Variants in MAST2 observed in about 807,000 individuals in gnomAD.
MAST2 encodes microtubule associated serine/threonine kinase 2.
Under a neutral mutation model 147.4 loss-of-function variants are expected in MAST2, and 70 were observed. The observed-to-expected ratio is 0.47, with a 90% CI of 0.39 to 0.58. The LOEUF (loss-of-function observed/expected upper bound fraction) is 0.58, where lower values mean the gene tolerates loss of function less well. Among genes scored for constraint, MAST2 ranks in the 20% least tolerant of loss-of-function variants. The pLI is 0.00. For missense variants in MAST2, 2,080 were observed against 2,302.3 expected (o/e 0.90, Z 1.98); for synonymous variants, 869 against 896.8 (o/e 0.97, Z 0.55).
intron 10 of MAST2, among the ~76,000 whole-genome samples, chr1:46,016,044 C>A (rs1645924722): frequency 6.6e-6 from 1 of 151,916 alleles, no homozygotes; most frequent in African/African-American, 2.4e-5. Flanking sequence ...TAAATGTAAT[C>A]CAGCATATAA....
intron 5 of MAST2, among the ~76,000 whole-genome samples, chr1:45,994,009 G>T (rs1644951449): frequency 6.6e-6 from 1 of 152,114 alleles, no homozygotes; most frequent in African/African-American, 2.4e-5. Context: ...GTCTGGGAGG[G>T]TCCCAACACA....
At chr1:45,977,692 C>T (rs539277472) in intron 5 of MAST2, among the ~76,000 whole-genome samples, 86 of 150,828 alleles carry the variant, frequency 5.7e-4, no homozygotes, top group Non-Finnish European at 7.8e-4. Context: ...CCCAGCTACT[C>T]GGGAGGCTGA....
chr1:45,927,563 G>T (rs1385343256), intron 4 of MAST2, among the ~76,000 whole-genome samples: 1 of 152,066 alleles, frequency 6.6e-6, no homozygotes, highest in Non-Finnish European at 1.5e-5. Context: ...GCTCTGTTCT[G>T]CCTGACTCAC....
intron 1 of MAST2, among the ~76,000 whole-genome samples, chr1:45,815,987 A>G (rs1275458066): frequency 1.3e-5 from 2 of 152,208 alleles, no homozygotes; most frequent in Non-Finnish European, 1.5e-5. Context: ...GCTTAGAACC[A>G]TACAGAAATC....
intron 4 of MAST2, among the ~76,000 whole-genome samples, chr1:45,883,724 A>G (rs185661223): frequency 1.1e-4 from 16 of 152,148 alleles, no homozygotes; most frequent in Admixed American, 9.2e-4. Flanking sequence ...TAAATTTTAA[A>G]TTCAGTTTCT....
chr1:45,920,141 G>A (rs1653220363), intron 4 of MAST2, among the ~76,000 whole-genome samples: 1 of 152,158 alleles, frequency 6.6e-6, no homozygotes, highest in Non-Finnish European at 1.5e-5. Flanking sequence ...GCTGATGGGA[G>A]CATGAACGAT....
intron 4 of MAST2, among the ~76,000 whole-genome samples, chr1:45,886,198 T>C (rs905547492): frequency 1.3e-5 from 2 of 149,926 alleles, no homozygotes; most frequent in South Asian, 4.2e-4. Context: ...TGAGTGATAC[T>C]GAGATAGAGA....
intron 4 of MAST2, among the ~76,000 whole-genome samples, chr1:45,922,721 G>A (rs1653719787): frequency 6.6e-6 from 1 of 152,126 alleles, no homozygotes; most frequent in Admixed American, 6.5e-5. Flanking sequence ...GGGCGGTGGT[G>A]GCTGCACCTG....
chr1:45,874,016 T>C (rs1646501431), intron 3 of MAST2, among the ~76,000 whole-genome samples: 1 of 152,164 alleles, frequency 6.6e-6, no homozygotes, highest in African/African-American at 2.4e-5. Context: ...AGATGGGGTT[T>C]CACCATGTTG....
chr1:45,963,573 T>C (rs1660745215), intron 5 of MAST2, among the ~76,000 whole-genome samples: 1 of 152,230 alleles, frequency 6.6e-6, no homozygotes, highest in Admixed American at 6.5e-5. Context: ...TTGTCTGTTA[T>C]TGATGTATAA....
chr1:45,881,605 T>C (rs1386036752), intron 3 of MAST2, among the ~76,000 whole-genome samples: 1 of 152,206 alleles, frequency 6.6e-6, no homozygotes, highest in Non-Finnish European at 1.5e-5. Context: ...TGAAGTCATC[T>C]CTTTGTTATA....
intron 3 of MAST2, among the ~76,000 whole-genome samples, chr1:45,852,318 T>C (rs1645648380): frequency 6.6e-6 from 1 of 152,150 alleles, no homozygotes; most frequent in Admixed American, 6.6e-5. Context: ...CGTCTTTATC[T>C]TCTTGCAACC....
At chr1:45,881,169 A>G (rs571359211) in intron 3 of MAST2, among the ~76,000 whole-genome samples, 1 of 152,282 alleles carries the variant, frequency 6.6e-6, no homozygotes, top group East Asian at 1.9e-4. Flanking sequence ...CTAGGAAACA[A>G]CTACAAGAAT....
rs1260279636 is a variant in MAST2, at chr1:45,834,936, C to T, written c.468+5355C>T. ...CCAAGCCAGTTCTTCCTTGTTCATT[C>T]CCTGTCTTTTTTTTTTTCCATAATT... is the stretch of plus-strand genomic sequence containing the variant. On this transcript the variant is annotated intron_variant, in intron 3 of 28. Transcript: ENST00000361297. Among the ~76,000 whole-genome samples, 6 of 152,090 alleles carry T rather than the reference C, an allele frequency of 3.9e-5. No individual in the cohort carries two copies. In the South Asian group the frequency reaches 1.0e-3, roughly 26 times the overall value.
At chr1:45,889,535 A>T (rs1019344387) in intron 4 of MAST2, among the ~76,000 whole-genome samples, 4 of 152,062 alleles carry the variant, frequency 2.6e-5, no homozygotes, top group Non-Finnish European at 5.9e-5. Context: ...CTATCTATAC[A>T]GTGTGGTTGC....
intron 1 of MAST2, among the ~76,000 whole-genome samples, chr1:45,819,436 G>T (rs1644554377): frequency 6.6e-6 from 1 of 152,120 alleles, no homozygotes; most frequent in Admixed American, 6.6e-5. Flanking sequence ...GTTTGCAGAT[G>T]ATTTGATCTT....
chr1:46,011,092 C>A (rs555301536), intron 10 of MAST2, 153 bp downstream of exon 10: 41 of 646,134 alleles, frequency 6.3e-5, no homozygotes, highest in Non-Finnish European at 9.9e-5. Flanking sequence ...TTAGATTCCT[C>A]CTCAGTCCCC....
intron 1 of MAST2, among the ~76,000 whole-genome samples, chr1:45,813,197 ATATC>A (rs1047905524): frequency 1.3e-5 from 2 of 152,154 alleles, no homozygotes; most frequent in African/African-American, 4.8e-5. Context: ...CAAGAAAAAA[ATATC>A]TATACATGTT....
intron 5 of MAST2, among the ~76,000 whole-genome samples, chr1:45,985,400 C>T (rs1434020919): frequency 2.0e-5 from 3 of 152,120 alleles, no homozygotes; most frequent in East Asian, 1.9e-4. Flanking sequence ...AGCCAGCTTT[C>T]GACCTATGTA....
Sources: allele counts gnomAD v4.1 joint callset (sites outside exome capture counted in the v4.1 genomes callset), GRCh38; gene constraint gnomAD v4.1.1; transcripts MANE v1.5; gene names NCBI Gene and HGNC (gene_info 2026-07-23, HGNC 2026-07-21).